COL4A3: variants seen among roughly 807,000 people sequenced by gnomAD.
The protein encoded by COL4A3 is collagen alpha-3(IV) chain.
Under a neutral mutation model 217.4 loss-of-function variants are expected in COL4A3, and 135 were observed. The ratio of observed to expected loss-of-function variants is 0.62; its 90% confidence interval spans 0.54 to 0.72. The LOEUF (loss-of-function observed/expected upper bound fraction) is 0.72, where lower values mean the gene tolerates loss of function less well. Among genes scored for constraint, COL4A3 ranks in the 30% least tolerant of loss-of-function variants. The pLI is 0.00. For synonymous variants in COL4A3, 690 were observed against 736.3 expected (o/e 0.94, Z 1.02); for missense variants, 1,868 against 2,119.9 (o/e 0.88, Z 2.33).
chr2:227,295,346 T>C, intron 41 of COL4A3, 30 bp downstream of exon 41: 1 of 1,606,346 alleles, frequency 6.2e-7, no homozygotes, highest in Non-Finnish European at 8.5e-7. Flanking sequence ...TGTCCTAATG[T>C]ACACATTTTC....
chr2:227,242,124 T>C (rs1386999225), intron 3 of COL4A3, among the ~76,000 whole-genome samples: 9 of 152,160 alleles, frequency 5.9e-5, no homozygotes, highest in Non-Finnish European at 1.2e-4. Context: ...CACAAGACTG[T>C]CCCTGTTTCA....
Position 227,164,700 on chromosome 2 carries a change from C to T in COL4A3, c.-27C>T. 2 of 1,530,262 alleles carry T rather than the reference C, an allele frequency of 1.3e-6. No individual in the cohort carries two copies. Among genetic ancestry groups the T allele is most frequent in the African/African-American group, 1.4e-5 (1 of 72,506 alleles). 94.8% of individuals were successfully genotyped at this position (1,530,262 alleles called of 1,614,324 possible). A position where few individuals can be genotyped will look rare whatever the true frequency, so the allele number is the denominator to read the frequency against. On this transcript the variant is annotated 5_prime_UTR_variant, in exon 1 of 52. Coordinates refer to ENST00000396578, the MANE Select transcript of COL4A3 (RefSeq NM_000091.5). The surrounding 1 kb of genome is among the most constrained non-coding windows in gnomAD (Gnocchi z 4.8). ...CTGAGAGCCTGAGGGTCCCCGGACTCGCCCAGGCTCTGAGCGCGCGCCCAC... is the reference window on the plus strand; with the variant it reads ...CTGAGAGCCTGAGGGTCCCCGGACTTGCCCAGGCTCTGAGCGCGCGCCCAC...
intron 1 of COL4A3, among the ~76,000 whole-genome samples, chr2:227,207,403 C>G (rs1039399469): frequency 2.6e-5 from 4 of 152,164 alleles, no homozygotes; most frequent in African/African-American, 9.6e-5. Context: ...TACATTCTCC[C>G]TCCTCTCTCT....
chr2:227,311,380 CTT>C lies in COL4A3; in HGVS notation c.4929-393_4929-392del, dbSNP rs11286889. Among the ~76,000 whole-genome samples the C allele has an allele frequency of 7.4e-3, 1,054 of 141,710 alleles. 10 individuals carry two copies. The highest frequency in any genetic ancestry group is 0.02 in the African/African-American group (770 of 38,590). The allele number at this position is 141,710 out of a possible 152,430, so 93.0% of individuals were successfully genotyped here. A position where few individuals can be genotyped will look rare whatever the true frequency, so the allele number is the denominator to read the frequency against. On this transcript the variant is annotated intron_variant, in intron 51 of 51. Coordinates refer to ENST00000396578, the MANE Select transcript of COL4A3 (RefSeq NM_000091.5). ...TCCATTAATATAATAAATTTCTCTC[CTT>C]TTTTTTTTTTTTCTTGAGATGGAGT...
In COL4A3 at chr2:227,282,708, G is replaced by A. The variant is rs553639831; in HGVS notation, c.2656+176G>A. ...TGGTGCAGGGAAACGGTGGCGGCAG[G>A]ATGAACAATTACCCAGAATGTGGCT... is the stretch of plus-strand genomic sequence containing the variant. On this transcript the variant is annotated intron_variant, in intron 32 of 51. Transcript: ENST00000396578. This position sits in a 1 kb window ranked among gnomAD's most constrained non-coding sequence, Gnocchi z 4.4. 6.6e-6 allele frequency among the ~76,000 whole-genome samples: 1 copy of A among 152,278 alleles called. No homozygotes were observed. The highest frequency in any genetic ancestry group is 2.4e-5 in the African/African-American group (1 of 41,544).
At position 227,279,826 on chromosome 2, in the gene COL4A3, TG is replaced by T. The variant is rs1399954090; in HGVS notation, c.2162del (p.Gly721ValfsTer26). The T allele has an allele frequency of 3.7e-6, 6 of 1,610,554 alleles. No individual in the cohort carries two copies. The South Asian group carries it at 4.4e-5, about 12-fold the overall frequency. ...DQGFPGTKGS[L>X]GCPGKMGEPG... is the part of the protein sequence containing the mutation. ...GGTTTTCCAGGTACAAAAGGATCAC[TG>T]GGTTGTCCTGGAAAAATGGGAGAGC... On this transcript the variant is annotated frameshift_variant, in exon 29 of 52. Coordinates refer to ENST00000396578, the MANE Select transcript of COL4A3 (RefSeq NM_000091.5). LOFTEE classifies it high-confidence loss of function.
intron 1 of COL4A3, among the ~76,000 whole-genome samples, chr2:227,229,920 G>A (rs1304195290): frequency 1.3e-5 from 2 of 151,926 alleles, no homozygotes; most frequent in African/African-American, 2.4e-5. Context: ...GCGTGGTGGT[G>A]GGCGCCTATA....
At chr2:227,244,209 C>A in intron 3 of COL4A3, 111 bp from the exon 4 acceptor site, 2 of 829,934 alleles carry the variant, frequency 2.4e-6, no homozygotes, top group Non-Finnish European at 4.2e-6. Flanking sequence ...ATGAAATAAT[C>A]AGAAGGGCAA....
chr2:227,308,751 T>G (rs1325352014), intron 48 of COL4A3, 148 bp from the exon 49 acceptor site: 28 of 822,216 alleles, frequency 3.4e-5, no homozygotes, highest in Non-Finnish European at 9.9e-6. Context: ...ATGAAAACTT[T>G]TCAATACTAC....
intron 38 of COL4A3, chr2:227,293,803 T>C (rs929046580): frequency 6.4e-6 from 3 of 470,480 alleles, no homozygotes; most frequent in African/African-American, 6.0e-5. Flanking sequence ...GTGGGGCCCC[T>C]GTTCTTGGCT....
At chr2:227,272,018 A>G (rs1054170706) in intron 25 of COL4A3, among the ~76,000 whole-genome samples, 3 of 152,338 alleles carry the variant, frequency 2.0e-5, no homozygotes, top group African/African-American at 7.2e-5. Flanking sequence ...AGTCTTCCAC[A>G]TGAAGATAAG....
At chr2:227,268,972 G>A (rs1241054590) in intron 23 of COL4A3, among the ~76,000 whole-genome samples, 1 of 152,050 alleles carries the variant, frequency 6.6e-6, no homozygotes, top group African/African-American at 2.4e-5. Flanking sequence ...GCCTATCCAG[G>A]TGCAGCTCAA....
chr2:227,252,501 C>T (rs960157110), intron 11 of COL4A3, among the ~76,000 whole-genome samples: 1 of 151,804 alleles, frequency 6.6e-6, no homozygotes, highest in East Asian at 1.9e-4. Flanking sequence ...CAGGCATGAG[C>T]CACTATGCCC....
At chr2:227,224,388 A>G (rs2067974363) in intron 1 of COL4A3, among the ~76,000 whole-genome samples, 1 of 152,106 alleles carries the variant, frequency 6.6e-6, no homozygotes, top group Non-Finnish European at 1.5e-5. Context: ...GTTTTTTTCT[A>G]CCAGGAAGTA....
intron 1 of COL4A3, among the ~76,000 whole-genome samples, chr2:227,180,079 G>A (rs752215025): frequency 6.6e-6 from 1 of 152,078 alleles, no homozygotes; most frequent in African/African-American, 2.4e-5. Flanking sequence ...TGGGCGGTGC[G>A]GTGCTTTTAC....
chr2:227,309,005 G>A lies in COL4A3; in HGVS notation c.4569G>A (p.Leu1523=), dbSNP rs2106288372. 6.2e-7 allele frequency: 1 copy of A among 1,614,182 alleles called. No homozygotes were observed. The highest frequency in any genetic ancestry group is 8.5e-7 in the Non-Finnish European group (1 of 1,180,022). Residue 1523 remains leucine (L), a synonymous_variant, in exon 49 of 52, where the codon CTG becomes CTA. Coordinates refer to ENST00000396578, the MANE Select transcript of COL4A3 (RefSeq NM_000091.5). ...CTCGAAATGATTATTCATACTGGCTGTCAACACCAGCTCTGATGCCAATGA... is the reference window on the plus strand; with the variant it reads ...CTCGAAATGATTATTCATACTGGCTATCAACACCAGCTCTGATGCCAATGA... The part of the protein sequence containing the change: ...FASRNDYSYW[L]STPALMPMNM...
intron 37 of COL4A3, among the ~76,000 whole-genome samples, chr2:227,291,762 T>C (rs2072756360): frequency 6.6e-6 from 1 of 152,216 alleles, no homozygotes; most frequent in South Asian, 2.1e-4. Flanking sequence ...TTTCAATGTT[T>C]TCAGTGTTTG....
intron 1 of COL4A3, among the ~76,000 whole-genome samples, chr2:227,205,005 A>G (rs2067047736): frequency 6.6e-6 from 1 of 152,182 alleles, no homozygotes; most frequent in East Asian, 1.9e-4. Context: ...ATCTTTTACA[A>G]TGGGTAAGTG....
chr2:227,249,212 G>GTATATA (rs1553751598), intron 9 of COL4A3, among the ~76,000 whole-genome samples: 538 of 33,190 alleles, frequency 0.016, 130 homozygotes, highest in East Asian at 0.13. Flanking sequence ...AAATTAGCTA[G>GTATATA]TATATATATA....
Sources: gnomAD v4.1 joint callset for allele counts (sites outside exome capture counted in the v4.1 genomes callset) on GRCh38, gnomAD v4.1.1 for gene constraint, Gnocchi (gnomAD v3.1) non-coding constraint, MANE v1.5 for transcripts, NCBI Gene and HGNC (gene_info 2026-07-23, HGNC 2026-07-21) for gene names.